The following AFF1 variants were observed in gnomAD, a reference collection of about 807,000 sequenced individuals.
AFF1 encodes ALF transcription elongation factor 1.
AFF1 carries 48 observed loss-of-function variants against 121.7 expected under a neutral mutation model. The ratio of observed to expected loss-of-function variants is 0.39; its 90% CI spans 0.31 to 0.50. AFF1 has a LOEUF of 0.50. Ranked by LOEUF, AFF1 falls within the 20% of genes least tolerant of loss-of-function variation. AFF1 has a pLI of 0.76. For synonymous variants in AFF1, 613 were observed against 563.0 expected (o/e 1.09, Z -1.26); for missense variants, 1,523 against 1,511.7 (o/e 1.01, Z -0.12).
chr4:86,948,438 C>T (rs1721024278), intron 1 of AFF1, 60 bp from the exon 2 acceptor site: 9 of 1,141,286 alleles, frequency 7.9e-6, no homozygotes, highest in South Asian at 5.5e-5. Flanking sequence ...ACAGGTCATG[C>T]GTATCCCTGA....
intron 5 of AFF1, among the ~76,000 whole-genome samples, chr4:87,085,751 CTTT>C (rs200938461): frequency 5.0e-5 from 7 of 139,068 alleles, no homozygotes; most frequent in Non-Finnish European, 4.7e-5. Flanking sequence ...AGAAACATAC[CTTT>C]TTTTTTTTTT....
At chr4:86,948,674 TCA>T (rs1721040648) in intron 2 of AFF1, 103 bp downstream of exon 2, 4 of 1,070,586 alleles carry the variant, frequency 3.7e-6, no homozygotes. Flanking sequence ...ACTTAAGAAC[TCA>T]CGGGTGCAAG....
chr4:87,017,223 ACT>A (rs1350807896), intron 2 of AFF1, among the ~76,000 whole-genome samples: 1 of 151,586 alleles, frequency 6.6e-6, no homozygotes. Context: ...GCCTAGCCTA[ACT>A]TTGAACTGAT....
chr4:86,964,274 C>G (rs1464537992), intron 2 of AFF1, among the ~76,000 whole-genome samples: 1 of 151,250 alleles, frequency 6.6e-6, no homozygotes, highest in Admixed American at 6.6e-5. Context: ...CAGGTGCGCA[C>G]CACCACATCC....
intron 12 of AFF1, among the ~76,000 whole-genome samples, chr4:87,118,173 A>G (rs1363482646): frequency 6.6e-6 from 1 of 152,250 alleles, no homozygotes; most frequent in African/African-American, 2.4e-5. Flanking sequence ...AATTTAGCCA[A>G]ATATTTTCTT....
At chr4:87,011,078 CAAAAAAAAAAAA>C (rs10715968) in intron 2 of AFF1, among the ~76,000 whole-genome samples, 2 of 70,778 alleles carry the variant, frequency 2.8e-5, no homozygotes, top group African/African-American at 4.9e-5. Context: ...GACTCCGTCT[CAAAAAAAAAAAA>C]AAAAAAAGAA....
intron 2 of AFF1, among the ~76,000 whole-genome samples, chr4:87,006,704 C>G (rs1726153250): frequency 6.6e-6 from 1 of 152,236 alleles, no homozygotes. Context: ...AGCTGGAGTT[C>G]TGAGCGGCTG....
chr4:86,960,185 C>A (rs1232822922), intron 2 of AFF1, among the ~76,000 whole-genome samples: 3 of 152,110 alleles, frequency 2.0e-5, no homozygotes, highest in African/African-American at 7.2e-5. Context: ...TGACTGTTCA[C>A]ACTGGAAAAG....
Position 87,115,070 on chromosome 4 carries a change from T to C in AFF1, c.2237T>C (p.Leu746Pro). 1 of 1,613,870 alleles carries C rather than the reference T, an allele frequency of 6.2e-7. No homozygotes were observed. Among genetic ancestry groups the C allele is most frequent in the Non-Finnish European group, 8.5e-7 (1 of 1,179,982 alleles). The change falls in exon 12 of 21, where the codon CTC (leucine) becomes CCC (proline). Residue 746 changes from leucine to proline, a missense_variant. Leu to Pro is a moderately conservative substitution (Grantham distance 98). This residue lies in a region of AFF1 where 905 missense variants were observed against 842.5 expected (regional missense o/e 1.07). Transcript: ENST00000395146. ...CAGGAGGACAGCCGCAAAGACAGAC[T>C]CCCATTGCCTTTGAGAGACACCAAG... ...VVQEDSRKDR[L>P]PLPLRDTKLL...
chr4:87,004,687 T>C (rs1725961225), intron 2 of AFF1, among the ~76,000 whole-genome samples: 1 of 152,222 alleles, frequency 6.6e-6, no homozygotes. Flanking sequence ...CAAAAAGTTT[T>C]GGATTTTGGA....
At chr4:87,039,974 T>C (rs1402202890) in intron 2 of AFF1, among the ~76,000 whole-genome samples, 1 of 152,170 alleles carries the variant, frequency 6.6e-6, no homozygotes, top group Non-Finnish European at 1.5e-5. Context: ...CGATCTCGGC[T>C]CACTGCAGCC....
At chr4:86,951,608 CTTTTT>C (rs1344583304) in intron 2 of AFF1, among the ~76,000 whole-genome samples, 2 of 111,062 alleles carry the variant, frequency 1.8e-5, no homozygotes, top group Admixed American at 9.6e-5. Context: ...TTTTCTTTTT[CTTTTT>C]TCTTTTTTTC....
At chr4:87,096,905 CT>C (rs1724928103) in intron 8 of AFF1, among the ~76,000 whole-genome samples, 1 of 152,102 alleles carries the variant, frequency 6.6e-6, no homozygotes, top group Non-Finnish European at 1.5e-5. Flanking sequence ...ACCACACTTC[CT>C]TTATGTTTTT....
intron 4 of AFF1, chr4:87,049,577 G>GTTTTTTTTT: frequency 5.5e-6 from 2 of 361,014 alleles, no homozygotes; most frequent in Admixed American, 3.0e-5. Flanking sequence ...GAAGAATGGG[G>GTTTTTTTTT]TTTTTTTTTT....
At chr4:87,034,461 G>A (rs1300178920) in intron 2 of AFF1, among the ~76,000 whole-genome samples, 2 of 152,194 alleles carry the variant, frequency 1.3e-5, no homozygotes, top group Non-Finnish European at 2.9e-5. Context: ...TCCCCATGAT[G>A]TATTTATAGC....
chr4:87,078,514 G>A (rs1446533141), intron 4 of AFF1, among the ~76,000 whole-genome samples: 4 of 152,158 alleles, frequency 2.6e-5, no homozygotes, highest in African/African-American at 7.2e-5. Context: ...GGATAGTTAC[G>A]GGAGCATCTG....
chr4:87,035,564 GA>G (rs11434868), intron 2 of AFF1, among the ~76,000 whole-genome samples: 10,980 of 146,906 alleles, frequency 0.075, 700 homozygotes, highest in African/African-American at 0.17. Context: ...CCGTCCCAAG[GA>G]AAAAAAAAAA....
chr4:86,988,986 G>A (rs1277103804), intron 2 of AFF1, among the ~76,000 whole-genome samples: 1 of 152,170 alleles, frequency 6.6e-6, no homozygotes, highest in Non-Finnish European at 1.5e-5. Flanking sequence ...CTAGCCATAT[G>A]CAGAATACTG....
At chr4:86,938,711 T>C (rs548212900) in intron 1 of AFF1, among the ~76,000 whole-genome samples, 1 of 152,296 alleles carries the variant, frequency 6.6e-6, no homozygotes, top group South Asian at 2.1e-4. Flanking sequence ...TGGAAATAAA[T>C]GTGAAATATG....
Sources: gnomAD v4.1 joint callset for allele counts (sites outside exome capture counted in the v4.1 genomes callset) on GRCh38, gnomAD v4.1.1 for gene constraint, gnomAD v4.1.1 regional missense constraint, MANE v1.5 for transcripts, NCBI Gene and HGNC (gene_info 2026-07-23, HGNC 2026-07-21) for gene names.